The following SMC5 variants were observed in gnomAD, a reference collection of about 807,000 sequenced individuals.
The protein encoded by SMC5 is structural maintenance of chromosomes 5, also known as structural maintenance of chromosomes protein 5.
Under a neutral mutation model 148.3 loss-of-function variants are expected in SMC5, and 88 were observed. The observed-to-expected ratio is 0.59, with a 90% CI of 0.50 to 0.71. SMC5 has a LOEUF of 0.71. Among genes scored for constraint, SMC5 ranks in the 30% least tolerant of loss-of-function variants. SMC5 has a pLI of 0.00. For synonymous variants in SMC5, 421 were observed against 432.8 expected (o/e 0.97, Z 0.34); for missense variants, 1,142 against 1,298.9 (o/e 0.88, Z 1.86).
At chr9:70,317,871 G>A (rs2035843571) in intron 13 of SMC5, among the ~76,000 whole-genome samples, 1 of 152,108 alleles carries the variant, frequency 6.6e-6, no homozygotes, top group Non-Finnish European at 1.5e-5. Context: ...CTAAATATAA[G>A]ATTATGTATC....
At chr9:70,324,223 C>A in intron 17 of SMC5, 80 bp downstream of exon 17, 4 of 1,371,142 alleles carry the variant, frequency 2.9e-6, no homozygotes, top group African/African-American at 1.5e-5. Flanking sequence ...TCATCACTAG[C>A]AATATATAGT....
intron 13 of SMC5, among the ~76,000 whole-genome samples, chr9:70,317,131 T>C (rs1421131862): frequency 3.3e-5 from 5 of 152,148 alleles, no homozygotes; most frequent in East Asian, 1.9e-4. Context: ...TCAGAAGATA[T>C]AAACCTTTAT....
chr9:70,300,329 C>T lies in SMC5; in HGVS notation c.1464+129C>T. ...CAGACTTGTGGCATCTGGCATACTG[C>T]TGAATCTATACATGAGCTTTTTAAA... is the stretch of plus-strand genomic sequence containing the variant. On this transcript the variant is annotated intron_variant, in intron 10 of 24. Transcript: ENST00000361138. The T allele has an allele frequency of 1.1e-5, 8 of 748,580 alleles. No homozygotes were observed. In the South Asian group the frequency reaches 1.7e-4, roughly 16 times the overall value. The allele number at this position is 748,580 out of a possible 1,614,324, so 46.4% of individuals were successfully genotyped here. A position where few individuals can be genotyped will look rare whatever the true frequency, so the allele number is the denominator to read the frequency against.
chr9:70,295,727 C>G (rs533283536), intron 8 of SMC5, among the ~76,000 whole-genome samples: 1 of 152,236 alleles, frequency 6.6e-6, no homozygotes, highest in African/African-American at 2.4e-5. Context: ...TTCAGTTTTT[C>G]AGGTCAATAT....
intron 1 of SMC5, among the ~76,000 whole-genome samples, chr9:70,259,637 TA>T (rs1282003014): frequency 6.6e-6 from 1 of 152,172 alleles, no homozygotes; most frequent in East Asian, 1.9e-4. Flanking sequence ...AGGCAACAGT[TA>T]ATTCGGCGTG....
chr9:70,318,948 G>C lies in SMC5; in HGVS notation c.2135G>C (p.Ser712Thr). The change falls in exon 15 of 25, where the codon AGT becomes ACT. Residue 712 changes from serine (S) to threonine (T), a missense_variant. Coordinates refer to ENST00000361138, the MANE Select transcript of SMC5 (RefSeq NM_015110.4). ...AAAAGACAACTGGAACAAAAAATCAGTTCCAAACTAGGAAGGTATCTTTTA... is the reference window on the plus strand; with the variant it reads ...AAAAGACAACTGGAACAAAAAATCACTTCCAAACTAGGAAGGTATCTTTTA... ...TKKRQLEQKI[S>T]SKLGSLKLME... 1 of 1,607,268 alleles carries C rather than the reference G, an allele frequency of 6.2e-7. No homozygotes were observed. The highest frequency in any genetic ancestry group is 1.1e-5 in the South Asian group (1 of 89,524).
intron 17 of SMC5, among the ~76,000 whole-genome samples, chr9:70,342,441 G>A (rs186775175): frequency 2.2e-4 from 33 of 151,884 alleles, no homozygotes; most frequent in Non-Finnish European, 3.5e-4. Context: ...CCTCAGCCCC[G>A]GAGATATTAA....
At chr9:70,318,438 G>T (rs1052132451) in intron 13 of SMC5, 76 bp from the exon 14 acceptor site, 3 of 1,182,938 alleles carry the variant, frequency 2.5e-6, no homozygotes, top group African/African-American at 1.6e-5. Flanking sequence ...AATTCACTTG[G>T]TCTGTATTTC....
intron 17 of SMC5, among the ~76,000 whole-genome samples, chr9:70,327,764 G>A (rs1007798457): frequency 6.6e-6 from 1 of 152,126 alleles, no homozygotes; most frequent in South Asian, 2.1e-4. Context: ...ATATTTACAT[G>A]TACCCTAATG....
intron 8 of SMC5, among the ~76,000 whole-genome samples, chr9:70,293,324 T>C (rs536576290): frequency 1.3e-5 from 2 of 151,234 alleles, no homozygotes; most frequent in East Asian, 2.0e-4. Context: ...ATACTGGCAA[T>C]TCCCCCTCTC....
intron 1 of SMC5, among the ~76,000 whole-genome samples, chr9:70,263,361 C>T (rs1421044994): frequency 2.0e-5 from 3 of 152,086 alleles, no homozygotes; most frequent in Admixed American, 6.6e-5. Flanking sequence ...TATTACCACC[C>T]GACATTTCAA....
chr9:70,291,270 C>G (rs2035053772), intron 8 of SMC5, among the ~76,000 whole-genome samples: 1 of 152,162 alleles, frequency 6.6e-6, no homozygotes, highest in South Asian at 2.1e-4. Flanking sequence ...TTGAGGATCT[C>G]TGTGTATATA....
intron 13 of SMC5, among the ~76,000 whole-genome samples, chr9:70,317,713 T>C (rs1459389412): frequency 6.6e-6 from 1 of 152,176 alleles, no homozygotes; most frequent in African/African-American, 2.4e-5. Flanking sequence ...AATAGTGGTA[T>C]GGTTGTGGTA....
chr9:70,331,505 G>GTT (rs57930530), intron 17 of SMC5, among the ~76,000 whole-genome samples: 276 of 149,564 alleles, frequency 1.8e-3, no homozygotes, highest in Non-Finnish European at 3.4e-3. Flanking sequence ...ATGGTTATGG[G>GTT]TTTTTTTTTT....
chr9:70,301,976 G>C (rs1414195605), intron 10 of SMC5, among the ~76,000 whole-genome samples: 1 of 152,182 alleles, frequency 6.6e-6, no homozygotes, highest in Non-Finnish European at 1.5e-5. Flanking sequence ...TGATATGACT[G>C]TGAAGTTCTA....
At chr9:70,263,864 T>G (rs1029162671) in intron 1 of SMC5, among the ~76,000 whole-genome samples, 2 of 152,198 alleles carry the variant, frequency 1.3e-5, no homozygotes, top group African/African-American at 4.8e-5. Flanking sequence ...AAAAATCTGC[T>G]TAGATTGTTT....
At chr9:70,286,799 C>G (rs1177424837) in intron 8 of SMC5, 1 of 150,546 alleles carries the variant, frequency 6.6e-6, no homozygotes, top group African/African-American at 2.5e-5. Context: ...TCACTGCAGC[C>G]TCCGCCTCTC....
intron 15 of SMC5, among the ~76,000 whole-genome samples, chr9:70,323,279 T>C (rs377512963): frequency 7.9e-5 from 12 of 152,204 alleles, no homozygotes; most frequent in African/African-American, 2.9e-4. Context: ...CTCCCCACTT[T>C]AGCTCCTTAA....
intron 17 of SMC5, among the ~76,000 whole-genome samples, chr9:70,330,780 G>T (rs1043109924): frequency 6.6e-6 from 1 of 151,874 alleles, no homozygotes; most frequent in African/African-American, 2.4e-5. Flanking sequence ...CTGACCTCAG[G>T]TTATCCACCC....
Sources: allele counts gnomAD v4.1 joint callset (sites outside exome capture counted in the v4.1 genomes callset), GRCh38; gene constraint gnomAD v4.1.1; transcripts MANE v1.5; gene names NCBI Gene and HGNC (gene_info 2026-07-23, HGNC 2026-07-21).